The following CCDC150 variants were observed in gnomAD, a reference collection of about 807,000 sequenced individuals.
CCDC150 encodes the protein coiled-coil domain-containing protein 150.
In CCDC150, 151 loss-of-function variants were observed where a neutral mutation model predicts 156.5. The ratio of observed to expected loss-of-function variants is 0.97; its 90% CI spans 0.85 to 1.10. CCDC150 has a LOEUF of 1.10. Among genes scored for constraint, CCDC150 ranks in the 50% least tolerant of loss-of-function variants. The pLI is 0.00. For missense variants in CCDC150, 1,312 were observed against 1,268.1 expected, an observed-to-expected ratio of 1.03 and a Z score of -0.53; for synonymous variants, 452 against 429.4, an observed-to-expected ratio of 1.05 and a Z score of -0.65.
rs76679671 is a variant in CCDC150 at position 196,665,881 on chromosome 2, C to G, written c.762+198C>G. On this transcript the variant is annotated intron_variant, in intron 6 of 27. Transcript: ENST00000389175. ...TAAGAAAGACCCTAATGTCATTATT[C>G]AACACTCTTAATTTATGAATCAGAG... 6.1e-3 allele frequency among the ~76,000 whole-genome samples: 932 copies of G among 152,042 alleles called. 9 individuals carry two copies. Among genetic ancestry groups the G allele is most frequent in the Non-Finnish European group, 9.4e-3 (638 of 67,958 alleles).
intron 14 of CCDC150, among the ~76,000 whole-genome samples, chr2:196,699,653 A>G (rs1696071278): frequency 6.6e-6 from 1 of 151,986 alleles, no homozygotes; most frequent in Admixed American, 6.6e-5. Flanking sequence ...TCAAGTAACT[A>G]GGACTACAGG....
intron 8 of CCDC150, 118 bp downstream of exon 8, chr2:196,669,994 T>A: frequency 1.5e-6 from 1 of 655,358 alleles, no homozygotes. Context: ...ATTTAAAAAG[T>A]TTCATGTAAA....
intron 17 of CCDC150, chr2:196,713,641 T>C (rs1697293098): frequency 7.0e-7 from 1 of 1,437,456 alleles, no homozygotes; most frequent in Non-Finnish European, 9.1e-7. Context: ...CCTCAAGACC[T>C]TTAATAAATG....
intron 2 of CCDC150, among the ~76,000 whole-genome samples, chr2:196,654,047 T>C (rs1693040013): frequency 6.6e-6 from 1 of 152,110 alleles, no homozygotes; most frequent in Non-Finnish European, 1.5e-5. Flanking sequence ...TAGCCAGCTC[T>C]TGTGTGAACA....
At chr2:196,671,733 C>G (rs972684480) in intron 8 of CCDC150, among the ~76,000 whole-genome samples, 6 of 152,026 alleles carry the variant, frequency 3.9e-5, no homozygotes, top group African/African-American at 1.4e-4. Context: ...TGGCTGAAAG[C>G]TCATTTATTT....
At chr2:196,701,046 A>C in intron 14 of CCDC150, 63 bp from the exon 15 acceptor site, 2 of 1,073,800 alleles carry the variant, frequency 1.9e-6, no homozygotes, top group Non-Finnish European at 2.7e-6. Flanking sequence ...TACTTGTTTA[A>C]AAATGAAAAT....
At chr2:196,651,929 C>T (rs1692902011) in intron 2 of CCDC150, among the ~76,000 whole-genome samples, 1 of 152,106 alleles carries the variant, frequency 6.6e-6, no homozygotes, top group Admixed American at 6.6e-5. Context: ...AGGTGAGTCA[C>T]ATGGTGAGAG....
chr2:196,668,221 C>G (rs1431685848), intron 7 of CCDC150, among the ~76,000 whole-genome samples: 1 of 150,660 alleles, frequency 6.6e-6, no homozygotes, highest in African/African-American at 2.5e-5. Context: ...CGCTTGAACC[C>G]AGGAGGCTGA....
intron 13 of CCDC150, among the ~76,000 whole-genome samples, chr2:196,678,311 C>T (rs1466582044): frequency 6.6e-6 from 1 of 152,154 alleles, no homozygotes; most frequent in Non-Finnish European, 1.5e-5. Context: ...TTCTTTGCTT[C>T]TGGTTTGCCC....
At chr2:196,692,228 G>A (rs796778434) in intron 13 of CCDC150, among the ~76,000 whole-genome samples, 61 of 148,922 alleles carry the variant, frequency 4.1e-4, no homozygotes, top group African/African-American at 1.5e-3. Flanking sequence ...TCCGCTTCCC[G>A]GGTTCACGCC....
chr2:196,658,902 C>T, intron 5 of CCDC150, 42 bp downstream of exon 5: 1 of 1,335,318 alleles, frequency 7.5e-7, no homozygotes, highest in Non-Finnish European at 1.1e-6. Context: ...GTTGGAATTG[C>T]AGAGGGGAAA....
intron 14 of CCDC150, among the ~76,000 whole-genome samples, chr2:196,696,788 T>G (rs1350988454): frequency 6.6e-6 from 1 of 152,246 alleles, no homozygotes; most frequent in African/African-American, 2.4e-5. Flanking sequence ...TGGCAGTGTA[T>G]TTTTGTTCTT....
intron 13 of CCDC150, among the ~76,000 whole-genome samples, chr2:196,684,660 C>T (rs868445600): frequency 2.6e-5 from 4 of 152,048 alleles, no homozygotes; most frequent in Non-Finnish European, 4.4e-5. Flanking sequence ...AAGTCTCCAA[C>T]TATTACTGTT....
chr2:196,699,764 C>G (rs1020629222), intron 14 of CCDC150, among the ~76,000 whole-genome samples: 1 of 152,190 alleles, frequency 6.6e-6, no homozygotes, highest in Admixed American at 6.5e-5. Flanking sequence ...AAGTGATTCT[C>G]CCACCTCAGC....
rs576346458 is a variant in CCDC150 at position 196,639,774 on chromosome 2, G to T, written c.8G>T (p.Cys3Phe). The change falls in exon 1 of 28, where the codon TGT (cysteine) becomes TTT (phenylalanine). Residue 3 changes from cysteine to phenylalanine, a missense_variant. Coordinates refer to ENST00000389175, the MANE Select transcript of CCDC150 (RefSeq NM_001080539.2). ...GGAGCCTCAGGCGGACAGATGGACT[G>T]TAAGGTGAGGCTGCCGGGCCCCGGG... The part of the protein sequence containing the change: MD[C>F]KVHMETTVSR... 8 of 1,580,196 alleles carry T rather than the reference G, an allele frequency of 5.1e-6. No individual in the cohort carries two copies. The highest frequency in any genetic ancestry group is 1.7e-5 in the Admixed American group (1 of 58,476).
chr2:196,661,137 C>G (rs533111520), intron 5 of CCDC150, among the ~76,000 whole-genome samples: 1 of 152,244 alleles, frequency 6.6e-6, no homozygotes, highest in Admixed American at 6.5e-5. Flanking sequence ...ATGATAAAGT[C>G]TTGAATTTTG....
intron 13 of CCDC150, among the ~76,000 whole-genome samples, chr2:196,684,599 G>A (rs753882966): frequency 7.2e-5 from 11 of 152,152 alleles, no homozygotes; most frequent in African/African-American, 1.2e-4. Context: ...TTCTGTTTCC[G>A]CATTAATCTT....
In CCDC150 at chr2:196,676,659, G is replaced by T. The variant is rs540000318; in HGVS notation, c.1368G>T (p.Leu456Phe). The T allele has an allele frequency of 6.2e-7, 1 of 1,613,866 alleles. No homozygotes were observed. Among genetic ancestry groups the T allele is most frequent in the African/African-American group, 1.3e-5 (1 of 75,058 alleles). The change falls in exon 12 of 28, where the codon TTG becomes TTT. Residue 456 changes from leucine (L) to phenylalanine (F), a missense_variant. Coordinates refer to ENST00000389175, the MANE Select transcript of CCDC150 (RefSeq NM_001080539.2). ...TGCTAGAATCAACTATTGCAAGATT[G>T]CGAGGTGAATTGGAAGCATCAATGC... Reference protein sequence around the residue: ...KELLESTIARLRGELEASMQE... With the variant: ...KELLESTIARFRGELEASMQE...
At chr2:196,665,777 C>A (rs999409446) in intron 6 of CCDC150, 94 bp downstream of exon 6, 1 of 619,128 alleles carries the variant, frequency 1.6e-6, no homozygotes, top group Non-Finnish European at 2.7e-6. Flanking sequence ...CTAATTGCCT[C>A]TAGATTTATT....
Sources: allele counts gnomAD v4.1 joint callset (sites outside exome capture counted in the v4.1 genomes callset), GRCh38; gene constraint gnomAD v4.1.1; transcripts MANE v1.5; gene names NCBI Gene and HGNC (gene_info 2026-07-23, HGNC 2026-07-21).